ERG: variants seen among roughly 807,000 people sequenced by gnomAD.
ERG encodes transcriptional regulator ERG.
Under a neutral mutation model 55.3 loss-of-function variants are expected in ERG, and 9 were observed. The ratio of observed to expected loss-of-function variants is 0.16; its 90% CI spans 0.10 to 0.28. The LOEUF is 0.28. Among genes scored for constraint, ERG ranks in the 10% least tolerant of loss-of-function variants. The probability of loss-of-function intolerance (pLI) is 1.00; values close to 1 mark genes in which losing one functional copy is unlikely to be tolerated. For synonymous variants in ERG, 223 were observed against 237.3 expected (o/e 0.94, Z 0.55); for missense variants, 434 against 631.6 (o/e 0.69, Z 3.35).
intron 2 of ERG, among the ~76,000 whole-genome samples, chr21:38,566,313 G>A (rs1037498284): frequency 6.6e-6 from 1 of 152,148 alleles, no homozygotes; most frequent in African/African-American, 2.4e-5. Context: ...TTAGTGTCCT[G>A]AACCACTGTA....
intron 1 of ERG, among the ~76,000 whole-genome samples, chr21:38,641,192 C>A (rs1568967781): frequency 6.6e-6 from 1 of 152,110 alleles, no homozygotes; most frequent in Non-Finnish European, 1.5e-5. Flanking sequence ...GCATTAGGAG[C>A]TGGGGGGCCT....
At chr21:38,649,400 A>G (rs902345294) in intron 1 of ERG, among the ~76,000 whole-genome samples, 1 of 152,152 alleles carries the variant, frequency 6.6e-6, no homozygotes, top group Non-Finnish European at 1.5e-5. Flanking sequence ...TGCGAGCCAC[A>G]TGGCCAGTCA....
At chr21:38,621,287 C>T (rs947240262) in intron 1 of ERG, among the ~76,000 whole-genome samples, 1 of 152,214 alleles carries the variant, frequency 6.6e-6, no homozygotes, top group African/African-American at 2.4e-5. Context: ...CATCTTGTGA[C>T]TTGTGCTTGC....
chr21:38,571,208 GTAGT>G (rs1201035913), intron 2 of ERG, among the ~76,000 whole-genome samples: 1 of 152,102 alleles, frequency 6.6e-6, no homozygotes, highest in African/African-American at 2.4e-5. Context: ...GCATGATATG[GTAGT>G]TAGTATAATT....
chr21:38,492,986 T>C (rs1233497632), intron 1 of ERG, among the ~76,000 whole-genome samples: 1 of 152,102 alleles, frequency 6.6e-6, no homozygotes, highest in African/African-American at 2.4e-5. Flanking sequence ...ATATTCAGAG[T>C]TGTTATGGGT....
chr21:38,608,363 G>T (rs903388885), intron 1 of ERG, among the ~76,000 whole-genome samples: 4 of 152,046 alleles, frequency 2.6e-5, no homozygotes, highest in Non-Finnish European at 4.4e-5. Context: ...TATTTATTAG[G>T]GATAAAGATG....
chr21:38,496,891 C>G (rs1421067598), intron 1 of ERG, among the ~76,000 whole-genome samples: 1 of 152,096 alleles, frequency 6.6e-6, no homozygotes, highest in Non-Finnish European at 1.5e-5. Flanking sequence ...CCAAGCTATT[C>G]AAGATTTACA....
rs575212503 is a variant in ERG at position 38,582,434 on chromosome 21, T to C, written c.-127+2410A>G. ...TGACTGGTTGGTACTGGCGAAGACA[T>C]GATGTATTTGGTGTTGGGAAACATG... On this transcript the variant is annotated intron_variant, in intron 1 of 8. Transcript: ENST00000398897. Among the ~76,000 whole-genome samples, 22 of 152,260 alleles carry C rather than the reference T, an allele frequency of 1.4e-4. No individual in the cohort carries two copies. The East Asian group carries it at 4.1e-3, about 28-fold the overall frequency.
chr21:38,510,585 G>A (rs34917283), intron 2 of ERG, among the ~76,000 whole-genome samples: 5 of 152,094 alleles, frequency 3.3e-5, no homozygotes, highest in Non-Finnish European at 7.4e-5. Flanking sequence ...AGAGTGGAAC[G>A]ACACTAACAA....
rs555237593 is a variant in ERG at position 38,552,487 on chromosome 21, G to A, written c.-41+23175C>T. Among the ~76,000 whole-genome samples, 12 of 152,178 alleles carry A rather than the reference G, an allele frequency of 7.9e-5. 1 individual carries two copies. The highest frequency in any genetic ancestry group is 2.9e-4 in the African/African-American group (12 of 41,534). ...CCACATCAAAAAGCTAATCCACCAT[G>A]ATTAACTACACATTATTCCTGGGAT... On this transcript the variant is annotated intron_variant, in intron 2 of 8. Coordinates refer to the ERG transcript ENST00000398897.
intron 2 of ERG, among the ~76,000 whole-genome samples, chr21:38,567,804 G>A (rs1317375339): frequency 2.6e-5 from 4 of 152,042 alleles, no homozygotes; most frequent in African/African-American, 7.2e-5. Flanking sequence ...TCCCTTCCTC[G>A]CAAGGCAGAT....
chr21:38,459,482 C>T (rs997782973), intron 1 of ERG, among the ~76,000 whole-genome samples: 1 of 152,226 alleles, frequency 6.6e-6, no homozygotes, highest in African/African-American at 2.4e-5. Context: ...GATTTTATAG[C>T]ACGTCTTCAC....
chr21:38,494,567 T>C (rs2059364575), intron 1 of ERG, among the ~76,000 whole-genome samples: 2 of 152,254 alleles, frequency 1.3e-5, no homozygotes, highest in East Asian at 1.9e-4. Context: ...TTTACTTATT[T>C]TTATGTATGC....
rs1987506263 is a variant in ERG at position 38,382,737 on chromosome 21, C to T, written c.*666G>A. 8 of 1,066,532 alleles carry T rather than the reference C, an allele frequency of 7.5e-6. No individual in the cohort carries two copies. The highest frequency in any genetic ancestry group is 9.1e-6 in the Non-Finnish European group (8 of 879,722). The allele number at this position is 1,066,532 out of a possible 1,614,324, so 66.1% of individuals were successfully genotyped here. A position where few individuals can be genotyped will look rare whatever the true frequency, so the allele number is the denominator to read the frequency against. Reference sequence around the variant, plus strand: ...TACAATCACACGCTCACTCTATACACATCCTCAGTCCCACCTTTTAGTTCA... The same window carrying T: ...TACAATCACACGCTCACTCTATACATATCCTCAGTCCCACCTTTTAGTTCA... On this transcript the variant is annotated 3_prime_UTR_variant, in exon 10 of 10. Transcript: ENST00000288319.
At chr21:38,474,456 C>T (rs1009856552) in intron 1 of ERG, among the ~76,000 whole-genome samples, 1 of 152,206 alleles carries the variant, frequency 6.6e-6, no homozygotes, top group Non-Finnish European at 1.5e-5. Context: ...TGTCCTCCCA[C>T]CCCTGGGTGA....
intron 1 of ERG, among the ~76,000 whole-genome samples, chr21:38,465,669 A>C (rs2059082254): frequency 6.6e-6 from 1 of 152,138 alleles, no homozygotes; most frequent in South Asian, 2.1e-4. Context: ...GGTGTATGGA[A>C]ATCACTCTAT....
chr21:38,551,292 A>G (rs1288892732), intron 2 of ERG, among the ~76,000 whole-genome samples: 2 of 151,644 alleles, frequency 1.3e-5, no homozygotes, highest in African/African-American at 2.4e-5. Context: ...CTTTCAAAAA[A>G]CCAACTTTTA....
the ERG span, among the ~76,000 whole-genome samples, chr21:38,368,864 G>A: frequency 2.6e-5 from 4 of 152,178 alleles, no homozygotes; most frequent in East Asian, 1.9e-4. Flanking sequence ...GAGAACATAC[G>A]GTATTTGGTT....
chr21:38,403,909 G>A (rs1297164550), intron 3 of ERG, among the ~76,000 whole-genome samples, 200 bp from the exon 4 acceptor site: 1 of 152,182 alleles, frequency 6.6e-6, no homozygotes, highest in Non-Finnish European at 1.5e-5. Context: ...TCTTTAAAGT[G>A]AATAGTTCTG....
Sources: allele counts gnomAD v4.1 joint callset (sites outside exome capture counted in the v4.1 genomes callset), GRCh38; gene constraint gnomAD v4.1.1; transcripts MANE v1.5; gene names NCBI Gene and HGNC (gene_info 2026-07-23, HGNC 2026-07-21).